PCNX2: variants seen among roughly 807,000 people sequenced by gnomAD.
PCNX2 encodes the protein pecanex-like protein 2.
Under a neutral mutation model 223.8 loss-of-function variants are expected in PCNX2, and 168 were observed. The ratio of observed to expected loss-of-function variants is 0.75; its 90% confidence interval spans 0.66 to 0.85. The LOEUF is 0.85. PCNX2 is among the 40% of genes least tolerant of loss of function. The probability of loss-of-function intolerance (pLI) is 0.00; values close to 1 mark genes in which losing one functional copy is unlikely to be tolerated. For missense variants in PCNX2, 2,507 were observed against 2,675.5 expected, an observed-to-expected ratio of 0.94 and a Z score of 1.39; for synonymous variants, 1,006 against 1,052.6, an observed-to-expected ratio of 0.96 and a Z score of 0.86.
At chr1:233,143,378 C>A (rs1286195352) in intron 19 of PCNX2, among the ~76,000 whole-genome samples, 1 of 152,188 alleles carries the variant, frequency 6.6e-6, no homozygotes, top group South Asian at 2.1e-4. Flanking sequence ...TGCAGTAGGT[C>A]TGGAATGGAG....
At chr1:233,134,637 G>A (rs1676704043) in intron 21 of PCNX2, 1 of 249,268 alleles carries the variant, frequency 4.0e-6, no homozygotes, top group Admixed American at 5.5e-5. Context: ...TAAGAAGGGA[G>A]GGAGACAGGG....
chr1:233,043,285 C>T (rs989756379), intron 25 of PCNX2, among the ~76,000 whole-genome samples: 1 of 152,160 alleles, frequency 6.6e-6, no homozygotes, highest in Non-Finnish European at 1.5e-5. Context: ...TATCTACCTA[C>T]ACAAATGATG....
intron 21 of PCNX2, among the ~76,000 whole-genome samples, chr1:233,128,581 C>T (rs1676237853): frequency 6.6e-6 from 1 of 152,154 alleles, no homozygotes; most frequent in Admixed American, 6.5e-5. Flanking sequence ...GTAATCCACT[C>T]ACCTCAGCCT....
chr1:233,183,614 G>T (rs1395881097), intron 15 of PCNX2, among the ~76,000 whole-genome samples: 2 of 152,130 alleles, frequency 1.3e-5, no homozygotes, highest in East Asian at 3.9e-4. Context: ...TCTGAAACTT[G>T]AGTTTTATGC....
chr1:233,174,804 A>C (rs1405516768), intron 17 of PCNX2, among the ~76,000 whole-genome samples: 1 of 152,224 alleles, frequency 6.6e-6, no homozygotes, highest in African/African-American at 2.4e-5. Flanking sequence ...CATTAGCGGA[A>C]AGTTTATATC....
At chr1:233,122,073 T>TACACACACAC (rs3033285) in intron 21 of PCNX2, among the ~76,000 whole-genome samples, 49 of 131,486 alleles carry the variant, frequency 3.7e-4, no homozygotes, top group African/African-American at 1.1e-3. Flanking sequence ...AGTTAGAAAG[T>TACACACACAC]ACACACACAC....
intron 12 of PCNX2, among the ~76,000 whole-genome samples, chr1:233,216,480 A>C (rs1298631538): frequency 3.9e-5 from 6 of 152,242 alleles, no homozygotes; most frequent in Non-Finnish European, 7.3e-5. Flanking sequence ...ATGCAAGTTA[A>C]AACCACAATG....
chr1:233,049,408 G>GA (rs1271906690), intron 25 of PCNX2, among the ~76,000 whole-genome samples: 2 of 151,950 alleles, frequency 1.3e-5, no homozygotes, highest in African/African-American at 2.4e-5. Flanking sequence ...CACTAGACAT[G>GA]AAAAAAACCT....
intron 19 of PCNX2, among the ~76,000 whole-genome samples, chr1:233,155,619 ATTT>A (rs1678073455): frequency 6.6e-6 from 1 of 152,228 alleles, no homozygotes; most frequent in Admixed American, 6.5e-5. Context: ...TCAGGTCACT[ATTT>A]TTAATTCTTA....
At chr1:233,150,953 A>G (rs1178159768) in intron 19 of PCNX2, among the ~76,000 whole-genome samples, 2 of 152,198 alleles carry the variant, frequency 1.3e-5, no homozygotes, top group Non-Finnish European at 2.9e-5. Flanking sequence ...AAAAGGTTAG[A>G]TCAACATTTT....
At chr1:233,009,960 C>T (rs1371154895) in intron 28 of PCNX2, among the ~76,000 whole-genome samples, 1 of 152,164 alleles carries the variant, frequency 6.6e-6, no homozygotes, top group Non-Finnish European at 1.5e-5. Flanking sequence ...ATCATTTTTT[C>T]CCCCTATGCT....
At chr1:233,053,467 A>T (rs1672078430) in intron 25 of PCNX2, among the ~76,000 whole-genome samples, 1 of 152,140 alleles carries the variant, frequency 6.6e-6, no homozygotes, top group South Asian at 2.1e-4. Context: ...GCTCCAAGCT[A>T]TAATAAGTTT....
the PCNX2 span, among the ~76,000 whole-genome samples, chr1:233,317,889 C>T: frequency 6.6e-6 from 1 of 152,228 alleles, no homozygotes; most frequent in Non-Finnish European, 1.5e-5. Context: ...TTTCAAGTAA[C>T]AAAGGCGAAG....
chr1:233,112,927 G>A lies in PCNX2; in HGVS notation c.3838-17064C>T. On this transcript the variant is annotated intron_variant, in intron 21 of 33. Coordinates refer to ENST00000258229, the MANE Select transcript of PCNX2 (RefSeq NM_014801.4). ...TGAACTGCAGTAACTTGCATGGTTTGAGTTAAGGGAAATCATCCTCTTTGT... is the reference window on the plus strand; with the variant it reads ...TGAACTGCAGTAACTTGCATGGTTTAAGTTAAGGGAAATCATCCTCTTTGT... The A allele has an allele frequency of 4.7e-6, 6 of 1,289,380 alleles. No individual in the cohort carries two copies. The South Asian group carries it at 7.4e-5, about 16-fold the overall frequency. 79.9% of individuals were successfully genotyped at this position (1,289,380 alleles called of 1,614,324 possible). A position where few individuals can be genotyped will look rare whatever the true frequency, so the allele number is the denominator to read the frequency against.
chr1:233,285,779 A>G (rs1224481578), intron 1 of PCNX2, among the ~76,000 whole-genome samples: 1 of 152,264 alleles, frequency 6.6e-6, no homozygotes, highest in African/African-American at 2.4e-5. Context: ...TGATCCATAT[A>G]CAACTAATGG....
intron 23 of PCNX2, among the ~76,000 whole-genome samples, chr1:233,066,737 C>A (rs1315041350): frequency 6.6e-6 from 1 of 152,202 alleles, no homozygotes; most frequent in African/African-American, 2.4e-5. Flanking sequence ...CCCAAAGAAT[C>A]CTGTGTCACC....
At position 233,085,899 on chromosome 1, in the gene PCNX2, C is replaced by A. The variant is rs940803539; in HGVS notation, c.4076+4162G>T. Among the ~76,000 whole-genome samples, 3 of 152,156 alleles carry A rather than the reference C, an allele frequency of 2.0e-5. No individual in the cohort carries two copies. In the East Asian group the frequency reaches 5.8e-4, roughly 29 times the overall value. On this transcript the variant is annotated intron_variant, in intron 23 of 33. Coordinates refer to ENST00000258229, the MANE Select transcript of PCNX2 (RefSeq NM_014801.4). The stretch of plus-strand genomic sequence containing the variant: ...GGGTCTCCAAATCACAACCACTCAG[C>A]CCAGCCCTTCCCAAATTCCTGACCC...
chr1:233,069,727 C>T (rs890147850), intron 23 of PCNX2, among the ~76,000 whole-genome samples: 4 of 151,908 alleles, frequency 2.6e-5, no homozygotes, highest in South Asian at 2.1e-4. Flanking sequence ...CAAGATTTGT[C>T]GAACATAGCT....
At chr1:233,116,626 C>T (rs2102985148) in intron 21 of PCNX2, among the ~76,000 whole-genome samples, 1 of 152,214 alleles carries the variant, frequency 6.6e-6, no homozygotes, top group Non-Finnish European at 1.5e-5. Flanking sequence ...TATAACACTT[C>T]AAAATTTGTG....
Sources: allele counts gnomAD v4.1 joint callset (sites outside exome capture counted in the v4.1 genomes callset), GRCh38; gene constraint gnomAD v4.1.1; transcripts MANE v1.5; gene names NCBI Gene and HGNC (gene_info 2026-07-23, HGNC 2026-07-21).